The following DAB2 variants were observed in gnomAD, a reference collection of about 807,000 sequenced individuals.
DAB2 encodes the protein disabled homolog 2.
DAB2 carries 28 observed loss-of-function variants against 71.6 expected under a neutral mutation model. The ratio of observed to expected loss-of-function variants is 0.39; its 90% confidence interval spans 0.29 to 0.54. The LOEUF is 0.54. Ranked by LOEUF, DAB2 falls within the 20% of genes least tolerant of loss-of-function variation. DAB2 has a pLI of 0.68. For missense variants in DAB2, 867 were observed against 928.8 expected, an observed-to-expected ratio of 0.93 and a Z score of 0.86; for synonymous variants, 345 against 339.7, an observed-to-expected ratio of 1.02 and a Z score of -0.17.
intron 1 of DAB2, among the ~76,000 whole-genome samples, chr5:39,395,929 C>G (rs941413904): frequency 6.2e-4 from 53 of 85,800 alleles, no homozygotes; most frequent in African/African-American, 2.3e-3. Context: ...GGCTAAGACA[C>G]AGATATTCTT....
chr5:39,415,253 A>G (rs1459260309), intron 1 of DAB2, among the ~76,000 whole-genome samples: 1 of 152,158 alleles, frequency 6.6e-6, no homozygotes, highest in Non-Finnish European at 1.5e-5. Context: ...TAACCACGTT[A>G]CAATCTGAAG....
At chr5:39,402,712 C>A (rs1755530992) in intron 1 of DAB2, among the ~76,000 whole-genome samples, 1 of 152,150 alleles carries the variant, frequency 6.6e-6, no homozygotes. Context: ...CCCACTGCAC[C>A]CAGCCTAGTA....
At position 39,394,155 on chromosome 5, in the gene DAB2, A is replaced by G. The variant is rs1755300925; in HGVS notation, c.91+75T>C. Reference sequence around the variant, plus strand: ...GAAGATCAGAGCCAGCCCTTACTTTATTCTGAATCTCACATTTCTCCAGGG... The same window carrying G: ...GAAGATCAGAGCCAGCCCTTACTTTGTTCTGAATCTCACATTTCTCCAGGG... On this transcript the variant is annotated intron_variant, in intron 2 of 14. Coordinates refer to ENST00000320816, the MANE Select transcript of DAB2 (RefSeq NM_001343.4). 3 of 1,216,866 alleles carry G rather than the reference A, an allele frequency of 2.5e-6. No homozygotes were observed. In the African/African-American group the frequency reaches 4.5e-5, roughly 18 times the overall value. The allele number at this position is 1,216,866 out of a possible 1,614,324, so 75.4% of individuals were successfully genotyped here.
intron 10 of DAB2, among the ~76,000 whole-genome samples, chr5:39,381,886 C>T (rs924971035): frequency 1.3e-5 from 2 of 152,214 alleles, no homozygotes; most frequent in African/African-American, 4.8e-5. Context: ...TACACACTCA[C>T]ATTGGTCTGG....
chr5:39,392,084 A>G, intron 4 of DAB2: 1 of 150,258 alleles, frequency 6.7e-6, no homozygotes, highest in East Asian at 1.9e-4. Context: ...TAATTTCAAA[A>G]ATATATATAT....
chr5:39,417,833 T>C (rs1755883450), intron 1 of DAB2: 1 of 152,202 alleles, frequency 6.6e-6, no homozygotes. Context: ...CAAGCTATCC[T>C]TTAGAAGACA....
chr5:39,410,975 G>A (rs1479801609), intron 1 of DAB2, among the ~76,000 whole-genome samples: 2 of 152,092 alleles, frequency 1.3e-5, no homozygotes, highest in South Asian at 4.1e-4. Context: ...CAAAAGGTTG[G>A]TTAAAAAATC....
At chr5:39,399,819 A>G (rs1417676328) in intron 1 of DAB2, among the ~76,000 whole-genome samples, 2 of 152,240 alleles carry the variant, frequency 1.3e-5, no homozygotes, top group Non-Finnish European at 2.9e-5. Flanking sequence ...TGAATCCTTC[A>G]ATTGCCAGCA....
chr5:39,413,140 CAA>C (rs1326629462), intron 1 of DAB2, among the ~76,000 whole-genome samples: 2 of 152,036 alleles, frequency 1.3e-5, no homozygotes, highest in Non-Finnish European at 2.9e-5. Context: ...GACATGGCAT[CAA>C]AGAGTCAGAG....
At chr5:39,424,296 G>C (rs1278758134) in intron 1 of DAB2, among the ~76,000 whole-genome samples, 1 of 152,036 alleles carries the variant, frequency 6.6e-6, no homozygotes, top group African/African-American at 2.4e-5. Context: ...GCCGGTGTAA[G>C]ACAAAAGTTC....
At chr5:39,389,958 C>T (rs1755186531) in intron 5 of DAB2, 26 bp from the exon 6 acceptor site, 6 of 1,453,714 alleles carry the variant, frequency 4.1e-6, no homozygotes, top group Non-Finnish European at 5.6e-6. Context: ...GCACTGTTAT[C>T]CGTATTTTAA....
intron 2 of DAB2, among the ~76,000 whole-genome samples, chr5:39,393,883 T>A (rs1045299236): frequency 3.3e-5 from 5 of 152,220 alleles, no homozygotes; most frequent in African/African-American, 1.2e-4. Flanking sequence ...TTACAAGGTC[T>A]GTGTAGTCCC....
intron 1 of DAB2, among the ~76,000 whole-genome samples, chr5:39,400,550 T>G (rs201404897): frequency 1.3e-5 from 2 of 152,162 alleles, no homozygotes; most frequent in East Asian, 3.8e-4. Context: ...CTCTATTTTA[T>G]GAATAATGAA....
Position 39,388,367 on chromosome 5 carries a change from C to T in DAB2, c.625G>A (p.Gly209Ser), listed in dbSNP as rs1201001886. Reference sequence around the variant, plus strand: ...CCAAACAAATCCATCTGGTCAACACCCTTAAAAAAGTATTTGGATTAGATT... The same window carrying T: ...CCAAACAAATCCATCTGGTCAACACTCTTAAAAAAGTATTTGGATTAGATT... ...LDDQTNKLKS[G>S]VDQMDLFGDM... The change falls in exon 9 of 15, where the codon GGT (glycine) becomes AGT (serine). Residue 209 changes from glycine to serine, a missense_variant and splice_region_variant. Physicochemically the swap from Gly to Ser is moderately conservative, Grantham distance 56. This residue lies in a region of DAB2 where 740 missense variants were observed against 734.3 expected (regional missense o/e 1.01). Transcript: ENST00000320816. The T allele has an allele frequency of 1.2e-6, 2 of 1,606,994 alleles. No individual in the cohort carries two copies. The highest frequency in any genetic ancestry group is 1.7e-5 in the Admixed American group (1 of 59,762).
At chr5:39,405,613 C>G (rs79193676) in intron 1 of DAB2, among the ~76,000 whole-genome samples, 82 of 152,326 alleles carry the variant, frequency 5.4e-4, no homozygotes, top group African/African-American at 1.9e-3. Flanking sequence ...AAGGAAAAGA[C>G]AATGGGGAAT....
chr5:39,417,020 A>G (rs1460289731), intron 1 of DAB2, among the ~76,000 whole-genome samples: 1 of 152,094 alleles, frequency 6.6e-6, no homozygotes, highest in Non-Finnish European at 1.5e-5. Context: ...AGTTATCCCA[A>G]TCAGCATTTG....
intron 1 of DAB2, among the ~76,000 whole-genome samples, chr5:39,402,141 C>T (rs542975987): frequency 4.2e-4 from 64 of 152,192 alleles, no homozygotes; most frequent in African/African-American, 1.5e-3. Flanking sequence ...ATGGGGGAAA[C>T]TGCCCCCATG....
At chr5:39,381,911 GC>G (rs1305860142) in intron 10 of DAB2, among the ~76,000 whole-genome samples, 1 of 152,178 alleles carries the variant, frequency 6.6e-6, no homozygotes, top group Non-Finnish European at 1.5e-5. Flanking sequence ...ATCGCTAAAT[GC>G]TTGAAGTTGG....
At chr5:39,401,846 G>A (rs891566668) in intron 1 of DAB2, among the ~76,000 whole-genome samples, 4 of 151,728 alleles carry the variant, frequency 2.6e-5, no homozygotes, top group African/African-American at 7.3e-5. Flanking sequence ...TCCGCCTGCC[G>A]GGTTCACGCC....
Sources: allele counts gnomAD v4.1 joint callset (sites outside exome capture counted in the v4.1 genomes callset), GRCh38; gene constraint gnomAD v4.1.1; regional missense constraint gnomAD v4.1.1; transcripts MANE v1.5; gene names NCBI Gene and HGNC (gene_info 2026-07-23, HGNC 2026-07-21).